FGF18: variants seen among roughly 807,000 people sequenced by gnomAD.
The protein encoded by FGF18 is fibroblast growth factor 18.
A neutral mutation model predicts 23.0 loss-of-function variants in FGF18; 5 were observed. The ratio of observed to expected loss-of-function variants is 0.22; its 90% CI spans 0.11 to 0.46. The LOEUF is 0.46. Among genes scored for constraint, FGF18 ranks in the 20% least tolerant of loss-of-function variants. The pLI is 0.99. For synonymous variants in FGF18, 117 were observed against 118.9 expected (o/e 0.98, Z 0.10); for missense variants, 180 against 291.6 (o/e 0.62, Z 2.79).
At chr5:171,453,223 G>A (rs1030565053) in intron 4 of FGF18, among the ~76,000 whole-genome samples, 2 of 152,200 alleles carry the variant, frequency 1.3e-5, no homozygotes, top group Non-Finnish European at 2.9e-5. Flanking sequence ...AGAGGCAAGC[G>A]TCAAGCCCGG....
chr5:171,435,157 G>C (rs1315593379), intron 2 of FGF18, among the ~76,000 whole-genome samples: 1 of 152,210 alleles, frequency 6.6e-6, no homozygotes, highest in African/African-American at 2.4e-5. Flanking sequence ...AGTGGTGGGA[G>C]AGGAAGGTGG....
At chr5:171,421,374 C>A (rs1561882816) in intron 2 of FGF18, among the ~76,000 whole-genome samples, 1 of 152,172 alleles carries the variant, frequency 6.6e-6, no homozygotes, top group Non-Finnish European at 1.5e-5. Flanking sequence ...CGTCAGCTCC[C>A]CAAGCCCCCA....
At chr5:171,452,707 T>C (rs2113366396) in intron 4 of FGF18, among the ~76,000 whole-genome samples, 1 of 152,308 alleles carries the variant, frequency 6.6e-6, no homozygotes, top group African/African-American at 2.4e-5. Context: ...TTGCGATCAC[T>C]GATGAGTCCT....
At chr5:171,433,458 C>G (rs1220646994) in intron 2 of FGF18, among the ~76,000 whole-genome samples, 1 of 152,156 alleles carries the variant, frequency 6.6e-6, no homozygotes, top group Non-Finnish European at 1.5e-5. Context: ...CAGCCACCTC[C>G]GGAAGTCATT....
At chr5:171,425,503 G>T (rs1049635534) in intron 2 of FGF18, among the ~76,000 whole-genome samples, 1 of 144,532 alleles carries the variant, frequency 6.9e-6, no homozygotes, top group East Asian at 2.1e-4. Context: ...TTACTGGCAT[G>T]AGCCACTGCA....
chr5:171,447,226 C>T (rs989077300), intron 3 of FGF18, among the ~76,000 whole-genome samples: 1 of 152,216 alleles, frequency 6.6e-6, no homozygotes, highest in African/African-American at 2.4e-5. Flanking sequence ...TTGTGCACCC[C>T]AAAGCTCTCA....
At chr5:171,420,367 C>G (rs555815215) in intron 1 of FGF18, 40 bp from the exon 2 acceptor site, 1 of 1,612,354 alleles carries the variant, frequency 6.2e-7, no homozygotes, top group African/African-American at 1.3e-5. Flanking sequence ...CGCCCCCTTC[C>G]TCAGGTCCCA....
intron 2 of FGF18, among the ~76,000 whole-genome samples, chr5:171,429,028 T>TG (rs1772139707): frequency 6.6e-6 from 1 of 152,124 alleles, no homozygotes; most frequent in Non-Finnish European, 1.5e-5. Flanking sequence ...ATGGACAGTC[T>TG]GGGGGGTGGG....
intron 2 of FGF18, among the ~76,000 whole-genome samples, chr5:171,431,104 G>C (rs1328158614): frequency 2.0e-5 from 3 of 152,214 alleles, no homozygotes; most frequent in Non-Finnish European, 4.4e-5. Flanking sequence ...TCAGCCATGA[G>C]TGGGCTGGAG....
rs1447843198 is a variant in FGF18, at chr5:171,451,659, C to G, written c.357+2406C>G. On this transcript the variant is annotated intron_variant, in intron 4 of 4. Transcript: ENST00000274625. This position sits in a 1 kb window ranked among gnomAD's most constrained non-coding sequence, Gnocchi z 4.5. ...CCCTCCACCCCCACCCAGCTCCAAA[C>G]CCATCCATGGGTCCTCCCACCTTGC... Among the ~76,000 whole-genome samples the G allele has an allele frequency of 6.6e-6, 1 of 152,042 alleles. No homozygotes were observed. The highest frequency in any genetic ancestry group is 1.5e-5 in the Non-Finnish European group (1 of 67,986).
chr5:171,431,017 G>T (rs1462903876), intron 2 of FGF18, among the ~76,000 whole-genome samples: 1 of 152,124 alleles, frequency 6.6e-6, no homozygotes, highest in Admixed American at 6.6e-5. Flanking sequence ...GTACATAGGT[G>T]ATGTGTGATG....
Position 171,433,459 on chromosome 5 carries a change from G to A in FGF18, c.70-2634G>A, listed in dbSNP as rs191425822. On this transcript the variant is annotated intron_variant, in intron 2 of 4. Transcript: ENST00000274625. ...GGAGGGGACAGGGCCAGCCACCTCC[G>A]GAAGTCATTCCAGGAAGGTCAAAGG... is the stretch of plus-strand genomic sequence containing the variant. Among the ~76,000 whole-genome samples, 458 of 152,260 alleles carry A rather than the reference G, an allele frequency of 3.0e-3. 1 individual carries two copies. The highest frequency in any genetic ancestry group is 0.011 in the African/African-American group (439 of 41,548).
rs182870098 is a variant in FGF18 at position 171,433,365 on chromosome 5, G to A, written c.70-2728G>A. ...AAGGAGATTGGTTTGACCTCTGGTCGATAAGGTCTCCTGTGAGCAGGAGGA... is the reference window on the plus strand; with the variant it reads ...AAGGAGATTGGTTTGACCTCTGGTCAATAAGGTCTCCTGTGAGCAGGAGGA... On this transcript the variant is annotated intron_variant, in intron 2 of 4. Transcript: ENST00000274625. Among the ~76,000 whole-genome samples the A allele has an allele frequency of 2.6e-3, 400 of 152,294 alleles. 3 individuals carry two copies. The highest frequency in any genetic ancestry group is 8.4e-3 in the African/African-American group (349 of 41,566).
At chr5:171,455,902 A>T (rs537996517) in intron 4 of FGF18, among the ~76,000 whole-genome samples, 2 of 152,162 alleles carry the variant, frequency 1.3e-5, no homozygotes, top group Non-Finnish European at 2.9e-5. Context: ...CTGAATGACA[A>T]TGGGAGTCTG....
rs1266832924 is a variant in FGF18, at chr5:171,457,209, G to A, written c.*404G>A. 1.9e-5 allele frequency: 3 copies of A among 158,948 alleles called. No homozygotes were observed. The highest frequency in any genetic ancestry group is 6.1e-5 in the Admixed American group (1 of 16,388). 9.8% of individuals were successfully genotyped at this position (158,948 alleles called of 1,614,324 possible). A position where few individuals can be genotyped will look rare whatever the true frequency, so the allele number is the denominator to read the frequency against. On this transcript the variant is annotated 3_prime_UTR_variant, in exon 5 of 5. Transcript: ENST00000274625. The stretch of plus-strand genomic sequence containing the variant: ...AAAAACAAAGAGAAAGTAGTACTCC[G>A]CCCACCAACAAACTCCCCCTAACTT...
At chr5:171,431,723 C>A (rs763678370) in intron 2 of FGF18, among the ~76,000 whole-genome samples, 1 of 152,154 alleles carries the variant, frequency 6.6e-6, no homozygotes, top group Admixed American at 6.5e-5. Flanking sequence ...ACCTTGTTTC[C>A]GTAGAAGACT....
chr5:171,447,421 T>A (rs1367961102), intron 3 of FGF18, among the ~76,000 whole-genome samples: 2 of 152,212 alleles, frequency 1.3e-5, no homozygotes, highest in African/African-American at 4.8e-5. Flanking sequence ...ACAAGGAGGA[T>A]CAAGGGCTTG....
rs746021685 is a variant in FGF18, at chr5:171,456,524, C to T, written c.358-15C>T. ...GTCATTTTTTTCTTGAACACTCCCC[C>T]TCTCTCCCCTGCAGCCCGATGGCAC... On this transcript the variant is annotated splice_polypyrimidine_tract_variant and intron_variant, in intron 4 of 4. Transcript: ENST00000274625. This position sits in a 1 kb window ranked among gnomAD's most constrained non-coding sequence, Gnocchi z 6.1. The T allele has an allele frequency of 3.7e-6, 6 of 1,608,536 alleles. No individual in the cohort carries two copies. In the African/African-American group the frequency reaches 6.7e-5, roughly 18 times the overall value.
chr5:171,425,182 A>G (rs1368714030), intron 2 of FGF18, among the ~76,000 whole-genome samples: 1 of 152,240 alleles, frequency 6.6e-6, no homozygotes, highest in Non-Finnish European at 1.5e-5. Flanking sequence ...CAAGCCATCA[A>G]AAACAACAAC....
Sources: gnomAD v4.1 joint callset for allele counts (sites outside exome capture counted in the v4.1 genomes callset) on GRCh38, gnomAD v4.1.1 for gene constraint, Gnocchi (gnomAD v3.1) non-coding constraint, MANE v1.5 for transcripts, NCBI Gene and HGNC (gene_info 2026-07-23, HGNC 2026-07-21) for gene names.